The following KIF6 variants were observed in gnomAD, a reference collection of about 807,000 sequenced individuals.
The protein encoded by KIF6 is kinesin family member 6.
KIF6 carries 106 observed loss-of-function variants against 112.7 expected under a neutral mutation model. That is an observed-to-expected ratio of 0.94 (90% CI 0.80 to 1.11). The LOEUF is 1.11. Ranked by LOEUF, KIF6 falls within the 50% of genes least tolerant of loss-of-function variation. The pLI, the probability that KIF6 is intolerant of heterozygous loss-of-function variation, is 0.00. For synonymous variants in KIF6, 339 were observed against 339.9 expected (o/e 1.00, Z 0.03); for missense variants, 929 against 964.0 (o/e 0.96, Z 0.48).
chr6:39,506,413 G>T (rs1189672273), intron 13 of KIF6, among the ~76,000 whole-genome samples: 1 of 152,086 alleles, frequency 6.6e-6, no homozygotes, highest in African/African-American at 2.4e-5. Context: ...TACATGCAGG[G>T]CCTAAAACCT....
chr6:39,545,591 G>A lies in KIF6; in HGVS notation c.1279C>T (p.His427Tyr). The A allele has an allele frequency of 6.2e-7, 1 of 1,608,008 alleles. No individual in the cohort carries two copies. Residue 427 changes from histidine to tyrosine, a missense_variant, in exon 11 of 23, where the codon CAT (histidine) becomes TAT (tyrosine). Physicochemically the swap from His to Tyr is moderately conservative, Grantham distance 83. Around this residue, in one of 2 missense-constraint regions of KIF6, gnomAD observed 688 missense variants for 662.7 expected, o/e 1.04. Coordinates refer to ENST00000287152, the MANE Select transcript of KIF6 (RefSeq NM_145027.6). ...GAAACATTTAAGTTTACCTTTAAATGATGAAAACAGTGATGAACTTTACGC... is the reference window on the plus strand; with the variant it reads ...GAAACATTTAAGTTTACCTTTAAATAATGAAAACAGTGATGAACTTTACGC... ...DMRKVHHCFHHLKKLLNDKKI... is the reference protein window; with the variant it reads ...DMRKVHHCFHYLKKLLNDKKI...
intron 4 of KIF6, among the ~76,000 whole-genome samples, chr6:39,637,207 A>G (rs1041028041): frequency 1.1e-4 from 17 of 152,028 alleles, no homozygotes; most frequent in African/African-American, 4.1e-4. Context: ...ATAAATCATA[A>G]AACGTCAGGA....
chr6:39,439,016 C>T (rs1771743471), intron 13 of KIF6, among the ~76,000 whole-genome samples: 1 of 152,230 alleles, frequency 6.6e-6, no homozygotes, highest in South Asian at 2.1e-4. Context: ...TTTATCCCAT[C>T]TAGCCTAGGT....
chr6:39,707,262 C>A (rs1045747172), intron 3 of KIF6, among the ~76,000 whole-genome samples: 2 of 152,192 alleles, frequency 1.3e-5, no homozygotes, highest in Non-Finnish European at 2.9e-5. Context: ...GGGCCCCCTT[C>A]TCTTTAAAAC....
At chr6:39,387,433 G>A (rs1767518707) in intron 15 of KIF6, among the ~76,000 whole-genome samples, 1 of 152,184 alleles carries the variant, frequency 6.6e-6, no homozygotes, top group Non-Finnish European at 1.5e-5. Flanking sequence ...GAAAGGGTCT[G>A]GGGCACCTGC....
intron 10 of KIF6, among the ~76,000 whole-genome samples, chr6:39,565,738 C>T (rs2150605777): frequency 6.6e-6 from 1 of 152,294 alleles, no homozygotes; most frequent in Non-Finnish European, 1.5e-5. Context: ...TCATCTTGCC[C>T]ATTTATAAGA....
chr6:39,679,360 C>T (rs918917063), intron 3 of KIF6, among the ~76,000 whole-genome samples: 1 of 152,098 alleles, frequency 6.6e-6, no homozygotes, highest in African/African-American at 2.4e-5. Context: ...CTGATGCTTA[C>T]CTTACCACCA....
chr6:39,630,255 T>C (rs1784289118), intron 5 of KIF6, among the ~76,000 whole-genome samples: 1 of 152,114 alleles, frequency 6.6e-6, no homozygotes, highest in African/African-American at 2.4e-5. Flanking sequence ...AATTGATCTA[T>C]ACTTTATCTA....
intron 15 of KIF6, among the ~76,000 whole-genome samples, chr6:39,413,886 A>C (rs146860064): frequency 3.3e-5 from 5 of 152,364 alleles, no homozygotes; most frequent in Admixed American, 6.5e-5. Context: ...AATTTTAAAA[A>C]TCAGACAATA....
chr6:39,480,903 T>G (rs1446897442), intron 13 of KIF6, among the ~76,000 whole-genome samples: 5 of 152,206 alleles, frequency 3.3e-5, no homozygotes, highest in African/African-American at 1.2e-4. Context: ...AGTTGTAATA[T>G]TTCCCATTTC....
chr6:39,705,204 G>A (rs376330970), intron 3 of KIF6, among the ~76,000 whole-genome samples: 4 of 152,242 alleles, frequency 2.6e-5, no homozygotes, highest in African/African-American at 9.6e-5. Flanking sequence ...TCACCTGGAG[G>A]GCTTGTTAAA....
At chr6:39,522,672 C>T (rs1310684595) in intron 13 of KIF6, among the ~76,000 whole-genome samples, 2 of 152,226 alleles carry the variant, frequency 1.3e-5, no homozygotes. Context: ...CTTGACCACT[C>T]TGCAATGTCC....
chr6:39,624,471 A>G (rs1783989666), intron 5 of KIF6, among the ~76,000 whole-genome samples: 1 of 152,222 alleles, frequency 6.6e-6, no homozygotes, highest in Non-Finnish European at 1.5e-5. Context: ...GCTGTTTGAA[A>G]TAATCCTAAG....
At chr6:39,347,339 T>C (rs746775616) in intron 19 of KIF6, among the ~76,000 whole-genome samples, 2 of 152,178 alleles carry the variant, frequency 1.3e-5, no homozygotes, top group Non-Finnish European at 1.5e-5. Flanking sequence ...CCTAGCTTCA[T>C]GCTGAGAGAG....
chr6:39,575,333 C>T lies in KIF6; in HGVS notation c.1181+2723G>A, dbSNP rs1207036536. On this transcript the variant is annotated intron_variant, in intron 10 of 22. Transcript: ENST00000287152. ...TTGCCCAGGCCGGAGTGCAGTGGCGCGATCTCGGCTCATTGCAAGCTCTGC... is the reference window on the plus strand; with the variant it reads ...TTGCCCAGGCCGGAGTGCAGTGGCGTGATCTCGGCTCATTGCAAGCTCTGC... Among the ~76,000 whole-genome samples the T allele has an allele frequency of 9.2e-5, 14 of 151,566 alleles. 1 individual carries two copies. The highest frequency in any genetic ancestry group is 3.4e-3 in the Middle Eastern group (1 of 294).
chr6:39,416,329 A>G (rs1036223862), intron 15 of KIF6, among the ~76,000 whole-genome samples: 10 of 152,246 alleles, frequency 6.6e-5, no homozygotes, highest in Non-Finnish European at 1.5e-4. Flanking sequence ...GTTTGGGCTC[A>G]GTGGCGTTTT....
At chr6:39,588,660 C>T (rs1482085698) in intron 7 of KIF6, among the ~76,000 whole-genome samples, 1 of 152,164 alleles carries the variant, frequency 6.6e-6, no homozygotes, top group East Asian at 1.9e-4. Flanking sequence ...TCTCTGCCCC[C>T]AAGCCTGATT....
At chr6:39,526,851 G>A (rs1303873900) in intron 13 of KIF6, among the ~76,000 whole-genome samples, 1 of 152,120 alleles carries the variant, frequency 6.6e-6, no homozygotes, top group African/African-American at 2.4e-5. Flanking sequence ...ATCAAAGTGT[G>A]GTCAGTTCCA....
intron 13 of KIF6, among the ~76,000 whole-genome samples, chr6:39,457,185 G>T (rs1402402587): frequency 1.3e-5 from 2 of 151,918 alleles, no homozygotes; most frequent in African/African-American, 4.8e-5. Context: ...AGACCACAGT[G>T]CAATCAAACT....
Sources: gnomAD v4.1 joint callset for allele counts (sites outside exome capture counted in the v4.1 genomes callset) on GRCh38, gnomAD v4.1.1 for gene constraint, gnomAD v4.1.1 regional missense constraint, MANE v1.5 for transcripts, NCBI Gene and HGNC (gene_info 2026-07-23, HGNC 2026-07-21) for gene names.